MYCBP2: variants seen among roughly 807,000 people sequenced by gnomAD.
MYCBP2 encodes the protein MYC binding protein 2, also known as E3 ubiquitin-protein ligase MYCBP2.
A neutral mutation model predicts 525.3 loss-of-function variants in MYCBP2; 120 were observed. The observed-to-expected ratio is 0.23, with a 90% CI of 0.20 to 0.27. The LOEUF is 0.27. Ranked by LOEUF, MYCBP2 falls within the 10% of genes least tolerant of loss-of-function variation. The pLI is 1.00. For synonymous variants in MYCBP2, 1,894 were observed against 1,955.8 expected, an observed-to-expected ratio of 0.97 and a Z score of 0.83; for missense variants, 4,149 against 5,657.1, an observed-to-expected ratio of 0.73 and a Z score of 8.55.
chr13:77,117,377 T>C (rs2049964079), intron 55 of MYCBP2, among the ~76,000 whole-genome samples: 1 of 152,088 alleles, frequency 6.6e-6, no homozygotes, highest in South Asian at 2.1e-4. Flanking sequence ...GAAAAGTTTA[T>C]ACTCTTGTGT....
chr13:77,135,562 A>C (rs1365884377), intron 52 of MYCBP2, among the ~76,000 whole-genome samples: 1 of 152,074 alleles, frequency 6.6e-6, no homozygotes, highest in Non-Finnish European at 1.5e-5. Flanking sequence ...CAGGCCTCTG[A>C]CTCTGTATGA....
At chr13:77,157,906 A>T (rs2057407019) in intron 45 of MYCBP2, 31 bp downstream of exon 45, 1 of 1,563,178 alleles carries the variant, frequency 6.4e-7, no homozygotes, top group African/African-American at 1.4e-5. Flanking sequence ...GAAAGCCCTA[A>T]AATAAAGTAA....
At chr13:77,159,044 AT>A (rs1188060935) in intron 44 of MYCBP2, among the ~76,000 whole-genome samples, 1 of 152,018 alleles carries the variant, frequency 6.6e-6, no homozygotes, top group Non-Finnish European at 1.5e-5. Context: ...TTCCAGTAAG[AT>A]TTTTTCATAG....
intron 2 of MYCBP2, among the ~76,000 whole-genome samples, chr13:77,294,125 T>TATATATATATATAC (rs1179274861): frequency 1.5e-5 from 1 of 67,490 alleles, no homozygotes; most frequent in South Asian, 4.4e-4. Context: ...TATATATATA[T>TATATATATATATAC]ATATACATAT....
At chr13:77,285,889 GAAAGGAAAGC>G (rs1335239480) in intron 3 of MYCBP2, among the ~76,000 whole-genome samples, 59 of 126,108 alleles carry the variant, frequency 4.7e-4, no homozygotes, top group African/African-American at 1.9e-3. Flanking sequence ...GAAAGGAAAG[GAAAGGAAAGC>G]AAAGGAAAGC....
intron 62 of MYCBP2, among the ~76,000 whole-genome samples, chr13:77,087,072 G>A (rs1299665864): frequency 6.6e-6 from 1 of 151,758 alleles, no homozygotes; most frequent in African/African-American, 2.4e-5. Flanking sequence ...ATGGTGTCTT[G>A]TTTGTGAGTT....
intron 65 of MYCBP2, 64 bp from the exon 66 acceptor site, chr13:77,078,953 C>G (rs2042818908): frequency 1.5e-6 from 2 of 1,342,790 alleles, no homozygotes; most frequent in Non-Finnish European, 2.1e-6. Flanking sequence ...ACAATGGTTT[C>G]TCATGACCTA....
intron 54 of MYCBP2, among the ~76,000 whole-genome samples, chr13:77,124,997 C>T (rs991265678): frequency 6.6e-6 from 1 of 151,984 alleles, no homozygotes; most frequent in East Asian, 1.9e-4. Flanking sequence ...GTTGGAATAC[C>T]GAAGTTTCAT....
intron 52 of MYCBP2, among the ~76,000 whole-genome samples, chr13:77,127,453 T>G (rs2051884036): frequency 6.6e-6 from 1 of 151,912 alleles, no homozygotes. Context: ...GGGTCCACAC[T>G]GGGTGTTCTC....
At chr13:77,320,765 C>A (rs944958378) in intron 1 of MYCBP2, among the ~76,000 whole-genome samples, 2 of 152,078 alleles carry the variant, frequency 1.3e-5, no homozygotes, top group Non-Finnish European at 2.9e-5. Context: ...GCGCCATATA[C>A]AATATTCTTG....
At chr13:77,185,023 T>C (rs2060593708) in intron 32 of MYCBP2, 80 bp downstream of exon 32, 1 of 1,266,108 alleles carries the variant, frequency 7.9e-7, no homozygotes, top group African/African-American at 1.5e-5. Flanking sequence ...TAAGAAGATA[T>C]GGCAACTGCA....
At chr13:77,148,123 T>C (rs2154191102) in intron 47 of MYCBP2, among the ~76,000 whole-genome samples, 1 of 149,888 alleles carries the variant, frequency 6.7e-6, no homozygotes, top group East Asian at 1.9e-4. Context: ...TAGCCTTGCT[T>C]TTTTTTTTAA....
At position 77,161,972 on chromosome 13, in the gene MYCBP2, G is replaced by C. The variant is rs753899993; in HGVS notation, c.6548-17C>G. 9.7e-6 allele frequency: 15 copies of C among 1,552,648 alleles called. No individual in the cohort carries two copies. Among genetic ancestry groups the C allele is most frequent in the Non-Finnish European group, 1.3e-5 (15 of 1,133,568 alleles). On this transcript the variant is annotated splice_polypyrimidine_tract_variant and intron_variant, in intron 43 of 82. Transcript: ENST00000544440. ...ATTCATTACCTGTTGTGTAAATAAAGAGTTTTACTAAAATATGTCAATATT... is the reference window on the plus strand; with the variant it reads ...ATTCATTACCTGTTGTGTAAATAAACAGTTTTACTAAAATATGTCAATATT...
chr13:77,315,894 CAAAAAAAAAAA>C (rs34819956), intron 1 of MYCBP2, among the ~76,000 whole-genome samples: 2 of 94,272 alleles, frequency 2.1e-5, no homozygotes, highest in Non-Finnish European at 4.4e-5. Context: ...GGCTCTGTCT[CAAAAAAAAAAA>C]AAAAAAAAAT....
At chr13:77,245,944 C>T (rs1051190400) in intron 15 of MYCBP2, among the ~76,000 whole-genome samples, 2 of 152,004 alleles carry the variant, frequency 1.3e-5, no homozygotes, top group African/African-American at 4.8e-5. Context: ...CCATTCTCTC[C>T]TTTCACAGAG....
At chr13:77,189,893 TC>T (rs2061131644) in intron 29 of MYCBP2, among the ~76,000 whole-genome samples, 1 of 152,106 alleles carries the variant, frequency 6.6e-6, no homozygotes, top group Non-Finnish European at 1.5e-5. Flanking sequence ...TCTATAGTCC[TC>T]CCCATCTTCC....
intron 2 of MYCBP2, among the ~76,000 whole-genome samples, chr13:77,291,443 C>G: frequency 6.6e-6 from 1 of 152,098 alleles, no homozygotes; most frequent in Non-Finnish European, 1.5e-5. Context: ...TTGGAACAAC[C>G]ACTTTGGAAA....
intron 35 of MYCBP2, among the ~76,000 whole-genome samples, chr13:77,177,379 C>T (rs2059814433): frequency 2.1e-5 from 3 of 142,714 alleles, no homozygotes; most frequent in African/African-American, 8.0e-5. Flanking sequence ...TCTCACTCTG[C>T]TGCCCAGGCT....
chr13:77,239,857 G>T (rs2068546974), intron 17 of MYCBP2, among the ~76,000 whole-genome samples: 1 of 152,150 alleles, frequency 6.6e-6, no homozygotes, highest in African/African-American at 2.4e-5. Flanking sequence ...GGTAAGCAAA[G>T]TATGGATGCC....
Sources: allele counts gnomAD v4.1 joint callset (sites outside exome capture counted in the v4.1 genomes callset), GRCh38; gene constraint gnomAD v4.1.1; transcripts MANE v1.5; gene names NCBI Gene and HGNC (gene_info 2026-07-23, HGNC 2026-07-21).